The following SEMA6D variants were observed in gnomAD, a reference collection of about 807,000 sequenced individuals.
SEMA6D encodes the protein semaphorin 6D, also known as semaphorin-6D.
A neutral mutation model predicts 106.6 loss-of-function variants in SEMA6D; 35 were observed. That is an observed-to-expected ratio of 0.33 (90% CI 0.25 to 0.44). The LOEUF (loss-of-function observed/expected upper bound fraction) is 0.44. SEMA6D is among the 20% of genes least tolerant of loss of function. SEMA6D has a pLI of 1.00. For synonymous variants in SEMA6D, 499 were observed against 487.7 expected (o/e 1.02, Z -0.31); for missense variants, 1,185 against 1,345.9 (o/e 0.88, Z 1.87).
chr15:47,560,635 G>A lies in SEMA6D; in HGVS notation c.-86-40230G>A, dbSNP rs950905462. ...TTTAGAGGGGAAAAAAAAGTAAAGG[G>A]GGAATATTATGAGGTGAATTCTGTT... On this transcript the variant is annotated intron_variant, in intron 3 of 19. Coordinates refer to the SEMA6D transcript ENST00000558014. Among the ~76,000 whole-genome samples the A allele has an allele frequency of 2.6e-5, 4 of 152,002 alleles. No individual in the cohort carries two copies. In the East Asian group the frequency reaches 7.7e-4, roughly 29 times the overall value.
intron 1 of SEMA6D, among the ~76,000 whole-genome samples, chr15:47,193,298 T>C (rs1379671234): frequency 1.3e-5 from 2 of 152,122 alleles, no homozygotes; most frequent in Non-Finnish European, 2.9e-5. Context: ...AAATACAAAA[T>C]ACGAAATGCT....
intron 1 of SEMA6D, among the ~76,000 whole-genome samples, chr15:47,330,833 G>C (rs879427048): frequency 2.6e-5 from 4 of 152,126 alleles, no homozygotes; most frequent in Non-Finnish European, 1.5e-5. Context: ...TAAAGTTCCA[G>C]GTAGACAAGA....
chr15:47,221,635 G>GT (rs1213503748), intron 1 of SEMA6D, among the ~76,000 whole-genome samples: 3 of 152,336 alleles, frequency 2.0e-5, no homozygotes, highest in African/African-American at 7.2e-5. Context: ...ACTTCCTTCA[G>GT]TTATGAATGT....
chr15:47,463,479 C>T (rs1487781194), intron 2 of SEMA6D, among the ~76,000 whole-genome samples: 3 of 152,150 alleles, frequency 2.0e-5, no homozygotes, highest in African/African-American at 4.8e-5. Flanking sequence ...TAGGCTCAAA[C>T]GCCAAAGTTT....
At chr15:47,305,985 T>C (rs2036215095) in intron 1 of SEMA6D, among the ~76,000 whole-genome samples, 1 of 152,136 alleles carries the variant, frequency 6.6e-6, no homozygotes, top group Non-Finnish European at 1.5e-5. Flanking sequence ...TCTTTTTTTT[T>C]TCTTTTTTTC....
intron 1 of SEMA6D, among the ~76,000 whole-genome samples, chr15:47,405,341 G>A (rs2040526881): frequency 6.6e-6 from 1 of 152,076 alleles, no homozygotes; most frequent in South Asian, 2.1e-4. Flanking sequence ...TTCCAGGAGA[G>A]GCAGATTCCA....
intron 4 of SEMA6D, among the ~76,000 whole-genome samples, chr15:47,688,720 T>A (rs1245971641): frequency 6.6e-6 from 1 of 152,226 alleles, no homozygotes; most frequent in Non-Finnish European, 1.5e-5. Context: ...GTCTACCGTT[T>A]CATAATGTAA....
chr15:47,534,711 T>G (rs1388624301), intron 3 of SEMA6D, among the ~76,000 whole-genome samples: 1 of 152,100 alleles, frequency 6.6e-6, no homozygotes, highest in African/African-American at 2.4e-5. Context: ...TTGAAGAAGT[T>G]TCCTACATGG....
At chr15:47,536,756 A>T (rs1195337667) in intron 3 of SEMA6D, among the ~76,000 whole-genome samples, 1 of 152,218 alleles carries the variant, frequency 6.6e-6, no homozygotes, top group African/African-American at 2.4e-5. Context: ...TAGGTCACTA[A>T]AATCCATAAT....
intron 1 of SEMA6D, among the ~76,000 whole-genome samples, chr15:47,411,465 A>C (rs553186845): frequency 1.3e-5 from 2 of 152,302 alleles, no homozygotes; most frequent in South Asian, 4.1e-4. Flanking sequence ...AGAAATATCA[A>C]GTGTGTTATT....
At chr15:47,550,560 T>C (rs1475535565) in intron 3 of SEMA6D, among the ~76,000 whole-genome samples, 1 of 152,142 alleles carries the variant, frequency 6.6e-6, no homozygotes, top group Non-Finnish European at 1.5e-5. Context: ...CAAGGAAACC[T>C]CCATGATTTT....
At chr15:47,597,500 T>A (rs2076560696) in intron 3 of SEMA6D, among the ~76,000 whole-genome samples, 1 of 151,982 alleles carries the variant, frequency 6.6e-6, no homozygotes, top group South Asian at 2.1e-4. Context: ...ATAAAGAAAA[T>A]GTGATATATA....
intron 1 of SEMA6D, among the ~76,000 whole-genome samples, chr15:47,400,983 A>T (rs1401293625): frequency 6.6e-6 from 1 of 152,218 alleles, no homozygotes; most frequent in African/African-American, 2.4e-5. Context: ...CACTGCTGTC[A>T]ATTATTAGTA....
At chr15:47,522,817 G>C (rs1333962345) in intron 3 of SEMA6D, among the ~76,000 whole-genome samples, 2 of 152,146 alleles carry the variant, frequency 1.3e-5, no homozygotes, top group Non-Finnish European at 2.9e-5. Context: ...CTCTCAAACT[G>C]AGTAATTAGG....
chr15:47,253,452 GT>G (rs2033629867), intron 1 of SEMA6D, among the ~76,000 whole-genome samples: 1 of 152,038 alleles, frequency 6.6e-6, no homozygotes, highest in Admixed American at 6.6e-5. Flanking sequence ...GCCATGAAGC[GT>G]TTCCCAAGTG....
At chr15:47,582,932 A>T (rs148862883) in intron 3 of SEMA6D, among the ~76,000 whole-genome samples, 1 of 152,268 alleles carries the variant, frequency 6.6e-6, no homozygotes, top group East Asian at 1.9e-4. Flanking sequence ...ATTTGCCACA[A>T]AATATTGCCA....
chr15:47,216,222 G>A (rs1453670056), intron 1 of SEMA6D, among the ~76,000 whole-genome samples: 2 of 152,090 alleles, frequency 1.3e-5, no homozygotes, highest in African/African-American at 4.8e-5. Context: ...GTAGCTTTAA[G>A]TAACACTTCA....
At position 47,691,579 on chromosome 15, in the gene SEMA6D, G is replaced by A. The variant is rs2078586712; in HGVS notation, c.-54-68166G>A. Among the ~76,000 whole-genome samples the A allele has an allele frequency of 2.6e-5, 4 of 152,136 alleles. No individual in the cohort carries two copies. The South Asian group carries it at 8.3e-4, about 31-fold the overall frequency. On this transcript the variant is annotated intron_variant, in intron 4 of 19. Coordinates refer to the SEMA6D transcript ENST00000558014. ...ATAATAGTTTCTATCTTGCATGATT[G>A]ATTTGAATATTAGAGATTATAAATA...
rs546716877 is a variant in SEMA6D at position 47,213,944 on chromosome 15, C to T, written c.-239+29526C>T. Reference sequence around the variant, plus strand: ...ATAATAATGGTCCATTCTTCATTTACGTTTTGGTATGCTCACTTGAATGAG... The same window carrying T: ...ATAATAATGGTCCATTCTTCATTTATGTTTTGGTATGCTCACTTGAATGAG... On this transcript the variant is annotated intron_variant, in intron 1 of 19. Transcript: ENST00000558014. Among the ~76,000 whole-genome samples the T allele has an allele frequency of 9.5e-5, 13 of 136,828 alleles. No individual in the cohort carries two copies. The South Asian group carries it at 1.6e-3, about 17-fold the overall frequency. 89.8% of individuals were successfully genotyped at this position (136,828 alleles called of 152,430 possible).
Sources: allele counts gnomAD v4.1 joint callset (sites outside exome capture counted in the v4.1 genomes callset), GRCh38; gene constraint gnomAD v4.1.1; transcripts MANE v1.5; gene names NCBI Gene and HGNC (gene_info 2026-07-23, HGNC 2026-07-21).